Variants in GLRB observed in about 807,000 individuals in gnomAD.
The protein encoded by GLRB is glycine receptor subunit beta.
In GLRB, 33 loss-of-function variants were observed where a neutral mutation model predicts 54.2. The ratio of observed to expected loss-of-function variants is 0.61; its 90% CI spans 0.46 to 0.81. GLRB has a LOEUF of 0.81. Among genes scored for constraint, GLRB ranks in the 40% least tolerant of loss-of-function variants. GLRB has a pLI of 0.00. For missense variants in GLRB, 572 were observed against 584.6 expected (o/e 0.98, Z 0.22); for synonymous variants, 209 against 208.2 (o/e 1.00, Z -0.03).
intron 7 of GLRB, among the ~76,000 whole-genome samples, chr4:157,140,965 T>TA (rs759666816): frequency 1.4e-4 from 22 of 151,794 alleles, no homozygotes; most frequent in Non-Finnish European, 2.4e-4. Flanking sequence ...AGCTCTACAT[T>TA]AAAAAAAATC....
chr4:157,095,458 G>A (rs1447635698), intron 2 of GLRB, among the ~76,000 whole-genome samples: 1 of 152,168 alleles, frequency 6.6e-6, no homozygotes, highest in Non-Finnish European at 1.5e-5. Flanking sequence ...CCAATAAGCT[G>A]TTGAACATAG....
rs1025495167 is a variant in GLRB at position 157,116,416 on chromosome 4, C to T, written c.123-4140C>T. On this transcript the variant is annotated intron_variant, in intron 2 of 9. Coordinates refer to ENST00000264428, the MANE Select transcript of GLRB (RefSeq NM_000824.5). ...TTAAAATAAAACAAAATAGCATAGTCAAATGCATAAAACATTGGACTGAGA... is the reference window on the plus strand; with the variant it reads ...TTAAAATAAAACAAAATAGCATAGTTAAATGCATAAAACATTGGACTGAGA... Among the ~76,000 whole-genome samples the T allele has an allele frequency of 2.6e-5, 4 of 151,770 alleles. No individual in the cohort carries two copies. The South Asian group carries it at 6.2e-4, about 24-fold the overall frequency.
At chr4:157,098,583 C>G (rs965355612) in intron 2 of GLRB, among the ~76,000 whole-genome samples, 4 of 151,802 alleles carry the variant, frequency 2.6e-5, no homozygotes, top group Non-Finnish European at 4.4e-5. Context: ...GATGATAATC[C>G]TAGAAAATCA....
intron 4 of GLRB, among the ~76,000 whole-genome samples, chr4:157,124,584 G>T (rs1254915071): frequency 1.3e-5 from 2 of 151,788 alleles, no homozygotes; most frequent in Non-Finnish European, 2.9e-5. Context: ...ATTGCTATTT[G>T]CTTAGTTAAG....
intron 9 of GLRB, among the ~76,000 whole-genome samples, chr4:157,161,966 A>T (rs903413967): frequency 2.0e-5 from 3 of 152,180 alleles, no homozygotes; most frequent in African/African-American, 7.2e-5. Context: ...TTTCAGGTAC[A>T]CCAGTCAGAC....
chr4:157,084,264 T>A lies in GLRB; in HGVS notation c.122+6118T>A, dbSNP rs1302660000. ...CACTACCGTTAGAGAAACTTCTATC[T>A]TTTGTTGAAGACTGTTTGAGTTTCA... On this transcript the variant is annotated intron_variant, in intron 2 of 9. Transcript: ENST00000264428. Among the ~76,000 whole-genome samples, 3 of 152,190 alleles carry A rather than the reference T, an allele frequency of 2.0e-5. No homozygotes were observed. The East Asian group carries it at 5.8e-4, about 29-fold the overall frequency.
At chr4:157,088,641 C>T (rs751866865) in intron 2 of GLRB, among the ~76,000 whole-genome samples, 1 of 152,114 alleles carries the variant, frequency 6.6e-6, no homozygotes, top group Non-Finnish European at 1.5e-5. Flanking sequence ...GATTTTCATT[C>T]TAAAGCTACC....
chr4:157,161,493 G>A (rs1737487913), intron 9 of GLRB, among the ~76,000 whole-genome samples: 1 of 152,102 alleles, frequency 6.6e-6, no homozygotes, highest in Non-Finnish European at 1.5e-5. Flanking sequence ...CATGTTTAGT[G>A]CTTCCTTCAG....
In GLRB at chr4:157,080,703, A is replaced by G. The variant is rs145743032; in HGVS notation, c.122+2557A>G. The stretch of plus-strand genomic sequence containing the variant: ...ATCTTGACTAAGAGGAATATTGAAA[A>G]TTACAAAACCCAGAAATCAAGTACA... On this transcript the variant is annotated intron_variant, in intron 2 of 9. Transcript: ENST00000264428. Among the ~76,000 whole-genome samples the G allele has an allele frequency of 1.3e-3, 202 of 152,292 alleles. 4 individuals carry two copies. The East Asian group carries it at 0.029, about 22-fold the overall frequency.
chr4:157,090,006 C>G (rs1028950426), intron 2 of GLRB, among the ~76,000 whole-genome samples: 1 of 152,162 alleles, frequency 6.6e-6, no homozygotes, highest in African/African-American at 2.4e-5. Flanking sequence ...CTCCTCATCT[C>G]TGCTTTTATG....
chr4:157,120,996 C>A lies in GLRB; in HGVS notation c.229+334C>A, dbSNP rs750036472. Among the ~76,000 whole-genome samples, 18 of 151,592 alleles carry A rather than the reference C, an allele frequency of 1.2e-4. No homozygotes were observed. In the Admixed American group the frequency reaches 1.2e-3, roughly 10 times the overall value. On this transcript the variant is annotated intron_variant, in intron 3 of 9. Transcript: ENST00000264428. ...TTAAAATTTAGGCTCTGGAAATAGA[C>A]CTGGCTTTCATTCACAGACACCAGA...
chr4:157,105,863 T>C (rs1247696840), intron 2 of GLRB, among the ~76,000 whole-genome samples: 1 of 152,094 alleles, frequency 6.6e-6, no homozygotes, highest in African/African-American at 2.4e-5. Flanking sequence ...TGTATCTTTT[T>C]TCATCTCTTT....
intron 2 of GLRB, among the ~76,000 whole-genome samples, chr4:157,098,939 C>T (rs1276225954): frequency 6.6e-6 from 1 of 152,052 alleles, no homozygotes; most frequent in Admixed American, 6.6e-5. Flanking sequence ...AGGAGAATGC[C>T]TTCCGGTGAC....
intron 9 of GLRB, among the ~76,000 whole-genome samples, chr4:157,160,825 A>G (rs949156740): frequency 1.3e-5 from 2 of 152,026 alleles, no homozygotes; most frequent in African/African-American, 4.8e-5. Context: ...TGGGGTGGGG[A>G]GTTCTGTAGC....
chr4:157,144,927 A>G (rs1019476914), intron 8 of GLRB, among the ~76,000 whole-genome samples: 8 of 152,214 alleles, frequency 5.3e-5, no homozygotes, highest in Non-Finnish European at 8.8e-5. Context: ...GAAATCACAC[A>G]GACCAAATTT....
At chr4:157,088,705 T>A (rs1389134312) in intron 2 of GLRB, among the ~76,000 whole-genome samples, 1 of 152,146 alleles carries the variant, frequency 6.6e-6, no homozygotes, top group Admixed American at 6.5e-5. Context: ...AAAAAAGAAC[T>A]TTTTTAGGAT....
chr4:157,133,693 A>G (rs1432040569), intron 4 of GLRB, among the ~76,000 whole-genome samples: 1 of 152,018 alleles, frequency 6.6e-6, no homozygotes, highest in Non-Finnish European at 1.5e-5. Context: ...ATGTTTTCTG[A>G]AAGTCTATGA....
intron 2 of GLRB, among the ~76,000 whole-genome samples, chr4:157,080,930 CAT>C (rs1460332987): frequency 2.0e-5 from 3 of 151,932 alleles, no homozygotes; most frequent in Non-Finnish European, 4.4e-5. Context: ...ATAGAGGAAA[CAT>C]GTTTTAAAAT....
At chr4:157,154,561 G>T (rs1052934017) in intron 9 of GLRB, among the ~76,000 whole-genome samples, 12 of 151,130 alleles carry the variant, frequency 7.9e-5, no homozygotes, top group Admixed American at 3.3e-4. Context: ...CCGAGTAACT[G>T]GGATTACAGG....
Sources: gnomAD v4.1 joint callset for allele counts (sites outside exome capture counted in the v4.1 genomes callset) on GRCh38, gnomAD v4.1.1 for gene constraint, MANE v1.5 for transcripts, NCBI Gene and HGNC (gene_info 2026-07-23, HGNC 2026-07-21) for gene names.